The following NXPH1 variants were observed in gnomAD, a reference collection of about 807,000 sequenced individuals.
NXPH1 encodes the protein neurexophilin 1, also known as neurexophilin-1.
In NXPH1, 5 loss-of-function variants were observed where a neutral mutation model predicts 23.7. The ratio of observed to expected loss-of-function variants is 0.21; its 90% CI spans 0.11 to 0.44. The LOEUF is 0.44. Ranked by LOEUF, NXPH1 falls within the 20% of genes least tolerant of loss-of-function variation. The pLI, the probability that NXPH1 is intolerant of heterozygous loss-of-function variation, is 0.99. For synonymous variants in NXPH1, 144 were observed against 122.2 expected (o/e 1.18, Z -1.18); for missense variants, 324 against 321.6 (o/e 1.01, Z -0.06).
intron 2 of NXPH1, among the ~76,000 whole-genome samples, chr7:8,440,337 G>A (rs1186602723): frequency 6.6e-6 from 1 of 152,234 alleles, no homozygotes; most frequent in Admixed American, 6.5e-5. Flanking sequence ...TTGGTCTGAG[G>A]CCTTCTAGTG....
intron 2 of NXPH1, among the ~76,000 whole-genome samples, chr7:8,497,005 C>T (rs1057037500): frequency 3.9e-5 from 6 of 152,030 alleles, no homozygotes; most frequent in Middle Eastern, 3.2e-3. Flanking sequence ...TCTCCTAATG[C>T]TATCCCTCCC....
At chr7:8,480,048 T>C (rs1817047158) in intron 2 of NXPH1, among the ~76,000 whole-genome samples, 1 of 152,038 alleles carries the variant, frequency 6.6e-6, no homozygotes, top group African/African-American at 2.4e-5. Context: ...TAAAAAGTGA[T>C]TGCTATAAAA....
chr7:8,454,714 G>A lies in NXPH1; in HGVS notation c.54+18947G>A, dbSNP rs971435945. Among the ~76,000 whole-genome samples the A allele has an allele frequency of 2.6e-5, 4 of 152,078 alleles. No homozygotes were observed. The East Asian group carries it at 5.8e-4, about 22-fold the overall frequency. ...TCTAGAGGAACATTGGTGGCTTGTC[G>A]TAGAGTTAGAATAAGTCAACTTTTC... is the stretch of plus-strand genomic sequence containing the variant. On this transcript the variant is annotated intron_variant, in intron 2 of 2. Transcript: ENST00000405863.
At chr7:8,669,440 C>T (rs546644913) in intron 2 of NXPH1, among the ~76,000 whole-genome samples, 1 of 151,982 alleles carries the variant, frequency 6.6e-6, no homozygotes, top group South Asian at 2.1e-4. Flanking sequence ...GAATCTCAGA[C>T]CTGGCTTGGG....
At chr7:8,703,794 T>C (rs557887453) in intron 2 of NXPH1, among the ~76,000 whole-genome samples, 2 of 152,232 alleles carry the variant, frequency 1.3e-5, no homozygotes, top group African/African-American at 4.8e-5. Flanking sequence ...TTATTCCTTA[T>C]TATTGCGGGC....
intron 2 of NXPH1, among the ~76,000 whole-genome samples, chr7:8,521,339 T>G (rs1299645102): frequency 6.6e-6 from 1 of 152,298 alleles, no homozygotes; most frequent in South Asian, 2.1e-4. Flanking sequence ...CCAGTTTTCC[T>G]ATTCTCTTGG....
intron 2 of NXPH1, among the ~76,000 whole-genome samples, chr7:8,711,212 A>G (rs1214280760): frequency 6.6e-6 from 1 of 152,164 alleles, no homozygotes; most frequent in African/African-American, 2.4e-5. Flanking sequence ...CTTTACGGAC[A>G]TACTTATTTT....
chr7:8,721,746 C>T (rs1378336791), intron 2 of NXPH1, among the ~76,000 whole-genome samples: 1 of 152,212 alleles, frequency 6.6e-6, no homozygotes, highest in Non-Finnish European at 1.5e-5. Flanking sequence ...CCACGCACTC[C>T]AGCCTGGGCA....
At chr7:8,552,847 T>G (rs989786905) in intron 2 of NXPH1, among the ~76,000 whole-genome samples, 1 of 151,602 alleles carries the variant, frequency 6.6e-6, no homozygotes, top group African/African-American at 2.4e-5. Context: ...GGACATTATG[T>G]AATACATTTC....
At chr7:8,576,381 A>G (rs1323232842) in intron 2 of NXPH1, among the ~76,000 whole-genome samples, 1 of 152,212 alleles carries the variant, frequency 6.6e-6, no homozygotes, top group East Asian at 1.9e-4. Flanking sequence ...TAAAAGTGAC[A>G]GCTGCGATAA....
intron 2 of NXPH1, among the ~76,000 whole-genome samples, chr7:8,721,773 T>C (rs1164200060): frequency 6.6e-6 from 1 of 152,194 alleles, no homozygotes; most frequent in Non-Finnish European, 1.5e-5. Flanking sequence ...CGAGACTCTG[T>C]CTCAAAAAAG....
intron 2 of NXPH1, among the ~76,000 whole-genome samples, chr7:8,745,181 G>A (rs950152085): frequency 7.2e-5 from 11 of 152,148 alleles, no homozygotes; most frequent in African/African-American, 2.4e-4. Flanking sequence ...GCAGTAAGAA[G>A]CTATTTTCTT....
chr7:8,655,341 C>T (rs149704691), intron 2 of NXPH1, among the ~76,000 whole-genome samples: 9 of 151,110 alleles, frequency 6.0e-5, no homozygotes, highest in Non-Finnish European at 8.9e-5. Context: ...GCTGAGATCG[C>T]GCTACTGCAC....
At chr7:8,437,482 A>G (rs552739260) in intron 2 of NXPH1, among the ~76,000 whole-genome samples, 19 of 152,238 alleles carry the variant, frequency 1.2e-4, no homozygotes, top group South Asian at 4.1e-4. Flanking sequence ...GCCTGACCTG[A>G]ACTTGAGGAC....
At chr7:8,563,878 T>C (rs1818493295) in intron 2 of NXPH1, among the ~76,000 whole-genome samples, 1 of 151,748 alleles carries the variant, frequency 6.6e-6, no homozygotes, top group Non-Finnish European at 1.5e-5. Flanking sequence ...TAAAAATTGA[T>C]GGGCCATTGA....
chr7:8,691,380 C>A (rs1450218059), intron 2 of NXPH1, among the ~76,000 whole-genome samples: 3 of 152,108 alleles, frequency 2.0e-5, no homozygotes, highest in Non-Finnish European at 4.4e-5. Flanking sequence ...CATTCCCGAC[C>A]TCAGGTGACC....
At chr7:8,638,349 T>C (rs1820252186) in intron 2 of NXPH1, among the ~76,000 whole-genome samples, 1 of 152,184 alleles carries the variant, frequency 6.6e-6, no homozygotes, top group Non-Finnish European at 1.5e-5. Flanking sequence ...ATGCTCCCAT[T>C]CACTGCGGGC....
intron 2 of NXPH1, among the ~76,000 whole-genome samples, chr7:8,626,472 C>A (rs1252979687): frequency 4.0e-5 from 6 of 151,210 alleles, no homozygotes; most frequent in African/African-American, 1.2e-4. Context: ...ACCTTGGATT[C>A]CATTACTTTC....
At chr7:8,743,444 T>TA (rs1780403859) in intron 2 of NXPH1, among the ~76,000 whole-genome samples, 1 of 152,004 alleles carries the variant, frequency 6.6e-6, no homozygotes, top group Non-Finnish European at 1.5e-5. Flanking sequence ...ATTTTATATA[T>TA]AAAGAAGTAA....
Sources: gnomAD v4.1 joint callset for allele counts (sites outside exome capture counted in the v4.1 genomes callset) on GRCh38, gnomAD v4.1.1 for gene constraint, MANE v1.5 for transcripts, NCBI Gene and HGNC (gene_info 2026-07-23, HGNC 2026-07-21) for gene names.